The following CERS6 variants were observed in gnomAD, a reference collection of about 807,000 sequenced individuals.
CERS6 encodes LAG1 homolog, ceramide synthase 6.
In CERS6, 26 loss-of-function variants were observed where a neutral mutation model predicts 56.8. The ratio of observed to expected loss-of-function variants is 0.46; its 90% CI spans 0.34 to 0.63. CERS6 has a LOEUF of 0.63. CERS6 is among the 30% of genes least tolerant of loss of function. CERS6 has a pLI of 0.01. For synonymous variants in CERS6, 164 were observed against 173.3 expected, an observed-to-expected ratio of 0.95 and a Z score of 0.42; for missense variants, 415 against 467.5, an observed-to-expected ratio of 0.89 and a Z score of 1.04.
intron 1 of CERS6, among the ~76,000 whole-genome samples, chr2:168,498,676 G>A (rs774823100): frequency 1.3e-5 from 2 of 152,198 alleles, no homozygotes; most frequent in African/African-American, 4.8e-5. Context: ...CACAATAGCC[G>A]TTTGTGTGCA....
chr2:168,684,723 T>G (rs558862953), intron 4 of CERS6, among the ~76,000 whole-genome samples: 4 of 152,226 alleles, frequency 2.6e-5, no homozygotes, highest in African/African-American at 9.6e-5. Context: ...AAAACCAGGG[T>G]GGAAAAGTAT....
chr2:168,481,075 G>T (rs1694168619), intron 1 of CERS6, among the ~76,000 whole-genome samples: 1 of 152,220 alleles, frequency 6.6e-6, no homozygotes, highest in Non-Finnish European at 1.5e-5. Flanking sequence ...TCGCAGAGAG[G>T]CATCTGCAGA....
chr2:168,723,898 T>C (rs1351203588), intron 8 of CERS6, among the ~76,000 whole-genome samples: 1 of 152,254 alleles, frequency 6.6e-6, no homozygotes, highest in Non-Finnish European at 1.5e-5. Flanking sequence ...TGAGCAAACA[T>C]ATGAATAGGT....
intron 4 of CERS6, among the ~76,000 whole-genome samples, chr2:168,654,949 T>G (rs1481981060): frequency 6.6e-6 from 1 of 152,336 alleles, no homozygotes; most frequent in East Asian, 1.9e-4. Context: ...AACCTAAGCC[T>G]TCTTATCCTA....
intron 1 of CERS6, among the ~76,000 whole-genome samples, chr2:168,537,622 A>T (rs1695288606): frequency 6.6e-6 from 1 of 152,154 alleles, no homozygotes; most frequent in African/African-American, 2.4e-5. Context: ...ATAATATTTC[A>T]GGGGTTTCTT....
intron 4 of CERS6, among the ~76,000 whole-genome samples, chr2:168,633,391 C>T (rs1684793604): frequency 6.6e-6 from 1 of 152,052 alleles, no homozygotes; most frequent in South Asian, 2.1e-4. Flanking sequence ...CTTGTCCAAC[C>T]CTCTCATTTC....
chr2:168,732,101 C>A (rs929825990), intron 8 of CERS6, among the ~76,000 whole-genome samples: 1 of 152,022 alleles, frequency 6.6e-6, no homozygotes, highest in Non-Finnish European at 1.5e-5. Context: ...GGCACTTGAC[C>A]CCCTTCTTCT....
chr2:168,754,902 A>C (rs1486640560), intron 8 of CERS6, among the ~76,000 whole-genome samples: 1 of 152,108 alleles, frequency 6.6e-6, no homozygotes, highest in Non-Finnish European at 1.5e-5. Context: ...CCGCCTCCTC[A>C]GTAGCTGGGA....
intron 8 of CERS6, among the ~76,000 whole-genome samples, chr2:168,746,783 A>G (rs1401757899): frequency 1.4e-4 from 10 of 70,746 alleles, no homozygotes; most frequent in Non-Finnish European, 2.5e-4. Context: ...GGGTATATAT[A>G]TATATATATA....
intron 8 of CERS6, among the ~76,000 whole-genome samples, chr2:168,739,538 G>A (rs1473453727): frequency 6.6e-6 from 1 of 152,136 alleles, no homozygotes; most frequent in African/African-American, 2.4e-5. Context: ...AAGAGCCAAG[G>A]GTGCAGAAGA....
intron 8 of CERS6, among the ~76,000 whole-genome samples, chr2:168,725,004 G>T (rs181793854): frequency 0.028 from 4,269 of 152,342 alleles, 85 homozygotes; most frequent in Non-Finnish European, 0.046. Context: ...GGGGTGGGAG[G>T]TTCAGGCATG....
chr2:168,729,323 T>C (rs1193452520), intron 8 of CERS6, among the ~76,000 whole-genome samples: 1 of 152,218 alleles, frequency 6.6e-6, no homozygotes, highest in African/African-American at 2.4e-5. Context: ...TGGAAAGTCC[T>C]AGAGCAGATG....
At chr2:168,636,680 G>T (rs899946821) in intron 4 of CERS6, among the ~76,000 whole-genome samples, 1 of 152,142 alleles carries the variant, frequency 6.6e-6, no homozygotes, top group African/African-American at 2.4e-5. Context: ...CTTGAATAAC[G>T]AAAGGAAATT....
At chr2:168,577,134 G>A (rs1047461955) in intron 3 of CERS6, among the ~76,000 whole-genome samples, 2 of 152,128 alleles carry the variant, frequency 1.3e-5, no homozygotes, top group African/African-American at 4.8e-5. Context: ...GAGACGGTGC[G>A]AGATCTCAAA....
intron 3 of CERS6, among the ~76,000 whole-genome samples, chr2:168,615,839 G>T (rs536452291): frequency 2.2e-4 from 33 of 152,272 alleles, no homozygotes; most frequent in African/African-American, 7.9e-4. Flanking sequence ...TGCTAGAGCC[G>T]TAGACATCCA....
At chr2:168,758,948 C>CA (rs61482784) in intron 8 of CERS6, among the ~76,000 whole-genome samples, 19 of 150,452 alleles carry the variant, frequency 1.3e-4, no homozygotes, top group Admixed American at 4.6e-4. Context: ...GTTTGCCTCA[C>CA]AAAAAAAAAG....
intron 2 of CERS6, among the ~76,000 whole-genome samples, chr2:168,560,603 G>A (rs906239871): frequency 6.6e-6 from 1 of 152,134 alleles, no homozygotes; most frequent in Non-Finnish European, 1.5e-5. Flanking sequence ...CCAAGAAAAC[G>A]AATAGAAGAG....
intron 1 of CERS6, among the ~76,000 whole-genome samples, chr2:168,511,674 T>A: frequency 6.6e-6 from 1 of 152,366 alleles, no homozygotes; most frequent in South Asian, 2.1e-4. Flanking sequence ...AATGGACTCT[T>A]TCTAGTTTGT....
At chr2:168,503,400 G>A (rs1694619563) in intron 1 of CERS6, among the ~76,000 whole-genome samples, 2 of 152,190 alleles carry the variant, frequency 1.3e-5, no homozygotes, top group Non-Finnish European at 2.9e-5. Flanking sequence ...TAAGGAGGCT[G>A]CAACAAACTA....
Sources: gnomAD v4.1 joint callset for allele counts (sites outside exome capture counted in the v4.1 genomes callset) on GRCh38, gnomAD v4.1.1 for gene constraint, MANE v1.5 for transcripts, NCBI Gene and HGNC (gene_info 2026-07-23, HGNC 2026-07-21) for gene names.